DYM: variants seen among roughly 807,000 people sequenced by gnomAD.
DYM encodes dymeclin, also known as dyggve-Melchior-Clausen syndrome protein.
A neutral mutation model predicts 93.1 loss-of-function variants in DYM; 78 were observed. The observed-to-expected ratio is 0.84, with a 90% confidence interval of 0.70 to 1.01. The LOEUF (loss-of-function observed/expected upper bound fraction) is 1.01. DYM is among the 50% of genes least tolerant of loss of function. DYM has a pLI of 0.00. For missense variants in DYM, 789 were observed against 845.0 expected (o/e 0.93, Z 0.82); for synonymous variants, 321 against 319.7 (o/e 1.00, Z -0.04).
At chr18:49,315,495 T>C (rs1251491958) in intron 8 of DYM, among the ~76,000 whole-genome samples, 2 of 152,194 alleles carry the variant, frequency 1.3e-5, no homozygotes, top group Non-Finnish European at 2.9e-5. Flanking sequence ...AAAGATGTTT[T>C]TTCCAGAGAA....
At chr18:49,381,942 G>A (rs2068079926) in intron 3 of DYM, among the ~76,000 whole-genome samples, 1 of 151,042 alleles carries the variant, frequency 6.6e-6, no homozygotes, top group Non-Finnish European at 1.5e-5. Flanking sequence ...GTTAAGGTTT[G>A]CAAACGCATC....
At position 49,384,440 on chromosome 18, in the gene DYM, A is replaced by G. The variant is rs1371379627; in HGVS notation, c.194-4682T>C. The stretch of plus-strand genomic sequence containing the variant: ...CAGAAGTTCAAGACCAGCCTGGCCA[A>G]TATGGTGAAACCCCATCTCTACTAA... On this transcript the variant is annotated intron_variant, in intron 3 of 17. Coordinates refer to ENST00000675505, the MANE Select transcript of DYM (RefSeq NM_001353214.3). 2.0e-5 allele frequency among the ~76,000 whole-genome samples: 3 copies of G among 151,940 alleles called. No individual in the cohort carries two copies. The South Asian group carries it at 6.2e-4, about 32-fold the overall frequency.
intron 11 of DYM, among the ~76,000 whole-genome samples, chr18:49,266,921 A>G (rs188491988): frequency 6.6e-6 from 1 of 152,220 alleles, no homozygotes; most frequent in East Asian, 1.9e-4. Flanking sequence ...AAGGATGTAA[A>G]ATCAAAGGTC....
intron 14 of DYM, among the ~76,000 whole-genome samples, chr18:49,170,018 A>C (rs2088455486): frequency 6.6e-6 from 1 of 152,050 alleles, no homozygotes. Context: ...GCTAGCTGAT[A>C]AGGTGACTGA....
intron 11 of DYM, among the ~76,000 whole-genome samples, chr18:49,267,265 C>A (rs979261646): frequency 1.3e-5 from 2 of 151,156 alleles, no homozygotes; most frequent in Non-Finnish European, 1.5e-5. Flanking sequence ...AGATTCTTTA[C>A]CTTAAAAGAA....
intron 6 of DYM, among the ~76,000 whole-genome samples, chr18:49,336,000 GA>G (rs2063639581): frequency 6.6e-6 from 1 of 152,092 alleles, no homozygotes; most frequent in South Asian, 2.1e-4. Flanking sequence ...TTTTTACAAA[GA>G]GGGGGTTTTA....
intron 13 of DYM, among the ~76,000 whole-genome samples, chr18:49,241,428 C>T (rs1229625578): frequency 6.6e-6 from 1 of 152,130 alleles, no homozygotes; most frequent in African/African-American, 2.4e-5. Context: ...AATTCTGTAC[C>T]TTATAGATGG....
At chr18:49,308,017 T>C (rs1388910587) in intron 8 of DYM, among the ~76,000 whole-genome samples, 3 of 152,206 alleles carry the variant, frequency 2.0e-5, no homozygotes, top group Non-Finnish European at 4.4e-5. Flanking sequence ...TTTGCTTTCA[T>C]AATGTACCCT....
chr18:49,288,763 G>C (rs973591228), intron 8 of DYM, among the ~76,000 whole-genome samples: 1 of 151,712 alleles, frequency 6.6e-6, no homozygotes, highest in Non-Finnish European at 1.5e-5. Flanking sequence ...CTGGGCGACA[G>C]AGTAAGACTC....
chr18:49,335,767 G>A (rs1036641432), intron 6 of DYM, among the ~76,000 whole-genome samples: 1 of 152,028 alleles, frequency 6.6e-6, no homozygotes, highest in Non-Finnish European at 1.5e-5. Flanking sequence ...TATTTAGATA[G>A]GCAGATGGAT....
chr18:49,209,298 T>C (rs1241869770), intron 14 of DYM, among the ~76,000 whole-genome samples: 3 of 152,196 alleles, frequency 2.0e-5, no homozygotes, highest in African/African-American at 7.2e-5. Flanking sequence ...TATAGAATAG[T>C]TCTGGCAAGT....
At chr18:49,055,390 G>T (rs2075386841) in intron 17 of DYM, among the ~76,000 whole-genome samples, 1 of 152,200 alleles carries the variant, frequency 6.6e-6, no homozygotes, top group Non-Finnish European at 1.5e-5. Flanking sequence ...AGGTGAAGTT[G>T]CCTACGCGTC....
At chr18:49,395,897 G>A (rs1230911523) in intron 2 of DYM, among the ~76,000 whole-genome samples, 1 of 152,272 alleles carries the variant, frequency 6.6e-6, no homozygotes, top group South Asian at 2.1e-4. Flanking sequence ...TTAGAGGTGG[G>A]GCCTAATGGG....
intron 17 of DYM, among the ~76,000 whole-genome samples, chr18:49,063,385 T>C (rs1222205688): frequency 6.6e-6 from 1 of 151,564 alleles, no homozygotes; most frequent in Non-Finnish European, 1.5e-5. Context: ...TTATATTTTG[T>C]AAATAGATAT....
At chr18:49,159,194 T>C (rs2086805697) in intron 15 of DYM, among the ~76,000 whole-genome samples, 1 of 152,214 alleles carries the variant, frequency 6.6e-6, no homozygotes, top group Non-Finnish European at 1.5e-5. Flanking sequence ...GTTTTCAATA[T>C]TATTTATCCA....
intron 5 of DYM, among the ~76,000 whole-genome samples, chr18:49,374,237 C>A (rs1437015206): frequency 6.6e-6 from 1 of 152,144 alleles, no homozygotes; most frequent in African/African-American, 2.4e-5. Flanking sequence ...TACCAAAATT[C>A]TGCAGTATCT....
intron 6 of DYM, among the ~76,000 whole-genome samples, chr18:49,353,006 G>C (rs750122009): frequency 8.6e-5 from 13 of 152,046 alleles, no homozygotes; most frequent in Non-Finnish European, 1.6e-4. Context: ...TTGGGAGGGA[G>C]TAAAATAGGT....
At chr18:49,427,855 A>T (rs1043689393) in intron 2 of DYM, among the ~76,000 whole-genome samples, 3 of 152,230 alleles carry the variant, frequency 2.0e-5, no homozygotes, top group African/African-American at 7.2e-5. Flanking sequence ...AGGCAGAGGC[A>T]GGAGGATCAC....
intron 6 of DYM, among the ~76,000 whole-genome samples, chr18:49,337,726 G>A (rs1261476570): frequency 3.3e-5 from 5 of 152,098 alleles, no homozygotes; most frequent in Non-Finnish European, 7.4e-5. Flanking sequence ...TATGAAATCC[G>A]GCAAATCCCA....
Sources: allele counts gnomAD v4.1 joint callset (sites outside exome capture counted in the v4.1 genomes callset), GRCh38; gene constraint gnomAD v4.1.1; transcripts MANE v1.5; gene names NCBI Gene and HGNC (gene_info 2026-07-23, HGNC 2026-07-21).